The following ARHGAP28 variants were observed in gnomAD, a reference collection of about 807,000 sequenced individuals.
ARHGAP28 encodes Rho GTPase activating protein 28.
ARHGAP28 carries 56 observed loss-of-function variants against 90.7 expected under a neutral mutation model. That is an observed-to-expected ratio of 0.62 (90% confidence interval 0.50 to 0.77). The LOEUF is 0.77. ARHGAP28 is among the 30% of genes least tolerant of loss of function. The pLI is 0.00. For missense variants in ARHGAP28, 869 were observed against 900.9 expected (o/e 0.96, Z 0.45); for synonymous variants, 308 against 323.3 (o/e 0.95, Z 0.51).
At chr18:6,849,393 T>TGGCA (rs1367665648) in intron 3 of ARHGAP28, among the ~76,000 whole-genome samples, 1 of 152,028 alleles carries the variant, frequency 6.6e-6, no homozygotes, top group Non-Finnish European at 1.5e-5. Context: ...TGGAATGAGG[T>TGGCA]GGCAGGCACT....
intron 1 of ARHGAP28, among the ~76,000 whole-genome samples, chr18:6,783,346 G>A (rs1284579628): frequency 6.6e-6 from 1 of 150,464 alleles, no homozygotes; most frequent in Non-Finnish European, 1.5e-5. Context: ...TTGTTACCAA[G>A]GCTGGAGTGC....
At position 6,837,531 on chromosome 18, in the gene ARHGAP28, T is replaced by G. The variant is rs57594043; in HGVS notation, c.543+117T>G. The G allele has an allele frequency of 4.1e-3, 3,194 of 785,366 alleles. 42 individuals carry two copies. Among genetic ancestry groups the G allele is most frequent in the African/African-American group, 0.04 (2,267 of 57,028 alleles). 48.6% of individuals were successfully genotyped at this position (785,366 alleles called of 1,614,324 possible). A position where few individuals can be genotyped will look rare whatever the true frequency, so the allele number is the denominator to read the frequency against. ...TCTGCTTGGGTGGTTCCATTCTAACTTTTTGAGAAAACTAAAGCAGACAGC... is the reference window on the plus strand; with the variant it reads ...TCTGCTTGGGTGGTTCCATTCTAACGTTTTGAGAAAACTAAAGCAGACAGC... On this transcript the variant is annotated intron_variant, in intron 3 of 17. Transcript: ENST00000383472.
rs1310548966 is a variant in ARHGAP28, at chr18:6,836,883, AGTTT to A, written c.326-313_326-310del. Among the ~76,000 whole-genome samples the A allele has an allele frequency of 8.0e-3, 1,214 of 152,294 alleles. 5 individuals carry two copies. The highest frequency in any genetic ancestry group is 0.011 in the Non-Finnish European group (780 of 68,026). ...TTAAGTAATGGGTTTTTTCTATTAT[AGTTT>A]TACTTTAAATATTCATGTTTTATCA... is the stretch of plus-strand genomic sequence containing the variant. On this transcript the variant is annotated intron_variant, in intron 2 of 17. Coordinates refer to ENST00000383472, the MANE Select transcript of ARHGAP28 (RefSeq NM_001366230.1).
chr18:6,740,318 G>T (rs2055965559), intron 1 of ARHGAP28, among the ~76,000 whole-genome samples: 1 of 152,172 alleles, frequency 6.6e-6, no homozygotes, highest in East Asian at 1.9e-4. Flanking sequence ...GTAGAGATCA[G>T]TTCTGTTCTA....
At chr18:6,895,000 G>T in intron 15 of ARHGAP28, 109 bp downstream of exon 15, 2 of 1,110,006 alleles carry the variant, frequency 1.8e-6, no homozygotes, top group South Asian at 1.3e-5. Flanking sequence ...CTTCAAACTT[G>T]ACATTTTCAA....
chr18:6,841,454 G>GTATAAGATAGATAGTATAAGTA (rs1346313188), intron 3 of ARHGAP28, among the ~76,000 whole-genome samples: 17 of 151,210 alleles, frequency 1.1e-4, no homozygotes, highest in Non-Finnish European at 2.9e-5. Context: ...AAGGATATAA[G>GTATAAGATAGATAGTATAAGTA]TAAGATAGAT....
At chr18:6,744,696 A>G (rs994153787) in intron 1 of ARHGAP28, among the ~76,000 whole-genome samples, 6 of 152,194 alleles carry the variant, frequency 3.9e-5, no homozygotes, top group Non-Finnish European at 5.9e-5. Context: ...CTAAGTCCAG[A>G]TAATATATTA....
At chr18:6,744,228 C>T (rs1334860907) in intron 1 of ARHGAP28, among the ~76,000 whole-genome samples, 2 of 151,996 alleles carry the variant, frequency 1.3e-5, no homozygotes, top group African/African-American at 2.4e-5. Flanking sequence ...AAAGAACCAG[C>T]GTAAGGAAGA....
rs556678321 is a variant in ARHGAP28, at chr18:6,806,990, A to G, written c.123-17772A>G. ...CGTCCTTTTCTTTATTCCTCTGTAC[A>G]TACAGGCTTTTTTGTTTGTTTTCCT... On this transcript the variant is annotated intron_variant, in intron 1 of 17. Transcript: ENST00000383472. Among the ~76,000 whole-genome samples, 135 of 152,234 alleles carry G rather than the reference A, an allele frequency of 8.9e-4. 2 individuals are homozygous for G. Among genetic ancestry groups the G allele is most frequent in the African/African-American group, 2.7e-3 (112 of 41,566 alleles).
intron 16 of ARHGAP28, chr18:6,898,810 C>T (rs1166277107): frequency 1.8e-6 from 2 of 1,127,206 alleles, no homozygotes; most frequent in South Asian, 2.9e-5. Flanking sequence ...CATATGTTCT[C>T]ACTCGTAAGT....
rs1374654317 is a variant in ARHGAP28, at chr18:6,890,025, A to T, written c.1674A>T (p.Leu558Phe). The T allele has an allele frequency of 6.2e-7, 1 of 1,614,248 alleles. No individual in the cohort carries two copies. The highest frequency in any genetic ancestry group is 8.5e-7 in the Non-Finnish European group (1 of 1,180,040). Residue 558 changes from leucine (L) to phenylalanine (F), a missense_variant, in exon 13 of 18, where the codon TTA becomes TTT. Physicochemically the swap from Leu to Phe is conservative, Grantham distance 22 (BLOSUM62 0). Transcript: ENST00000383472. ...SKHSDYEELL[L>F]ANTAAHIIRL... Reference sequence around the variant, plus strand: ...ACTCTGATTATGAAGAATTACTGTTAGCAAACACTGCGGCCCACATCATCC... The same window carrying T: ...ACTCTGATTATGAAGAATTACTGTTTGCAAACACTGCGGCCCACATCATCC...
At chr18:6,774,131 G>C (rs1313328614) in intron 1 of ARHGAP28, 1 of 152,176 alleles carries the variant, frequency 6.6e-6, no homozygotes, top group Non-Finnish European at 1.5e-5. Flanking sequence ...ATGTGGGCTG[G>C]GGATGGCTTC....
intron 11 of ARHGAP28, among the ~76,000 whole-genome samples, chr18:6,882,891 G>A (rs1335576280): frequency 6.6e-6 from 1 of 152,306 alleles, no homozygotes; most frequent in South Asian, 2.1e-4. Context: ...ATTATAAAGT[G>A]TGTGTTGTAA....
At chr18:6,856,305 G>A (rs1164604387) in intron 4 of ARHGAP28, among the ~76,000 whole-genome samples, 1 of 152,078 alleles carries the variant, frequency 6.6e-6, no homozygotes. Context: ...TCCCAAAGCA[G>A]TTTTTTAATC....
intron 2 of ARHGAP28, among the ~76,000 whole-genome samples, chr18:6,832,695 G>A (rs372818056): frequency 1.1e-4 from 17 of 151,988 alleles, no homozygotes; most frequent in African/African-American, 1.9e-4. Flanking sequence ...AGTCTGCTTC[G>A]TCTAATAATA....
chr18:6,784,169 C>CA lies in ARHGAP28; in HGVS notation c.123-40592dup, dbSNP rs1047927625. ...AAATCCATGCAGTTGGAGATCCCTT[C>CA]AGCATAGGTCTCTGGGCTGGCTTGC... On this transcript the variant is annotated intron_variant, in intron 1 of 17. Coordinates refer to ENST00000383472, the MANE Select transcript of ARHGAP28 (RefSeq NM_001366230.1). Among the ~76,000 whole-genome samples the CA allele has an allele frequency of 6.6e-5, 10 of 152,278 alleles. No homozygotes were observed. In the South Asian group the frequency reaches 1.7e-3, roughly 25 times the overall value.
intron 1 of ARHGAP28, among the ~76,000 whole-genome samples, chr18:6,731,803 C>A (rs2055884987): frequency 6.6e-6 from 1 of 152,134 alleles, no homozygotes; most frequent in Admixed American, 6.5e-5. Context: ...ATAATCAGGC[C>A]CAAGTTATTA....
intron 2 of ARHGAP28, among the ~76,000 whole-genome samples, chr18:6,827,690 G>A (rs932001159): frequency 5.3e-5 from 8 of 151,386 alleles, no homozygotes; most frequent in Non-Finnish European, 7.4e-5. Context: ...GGGCGGAGAC[G>A]CTTCTCACTT....
intron 4 of ARHGAP28, among the ~76,000 whole-genome samples, chr18:6,855,847 A>G (rs1054322775): frequency 4.6e-5 from 7 of 152,194 alleles, no homozygotes; most frequent in Non-Finnish European, 1.5e-5. Context: ...GTAGCCTTGT[A>G]CAGAGCCAGT....
Sources: allele counts gnomAD v4.1 joint callset (sites outside exome capture counted in the v4.1 genomes callset), GRCh38; gene constraint gnomAD v4.1.1; transcripts MANE v1.5; gene names NCBI Gene and HGNC (gene_info 2026-07-23, HGNC 2026-07-21).